The following TTR variants were observed in gnomAD, a reference collection of about 807,000 sequenced individuals.
TTR encodes the protein transthyretin.
A neutral mutation model predicts 13.7 loss-of-function variants in TTR; 8 were observed. The observed-to-expected ratio is 0.58, with a 90% CI of 0.34 to 1.05. TTR has a LOEUF of 1.05. Among genes scored for constraint, TTR ranks in the 50% least tolerant of loss-of-function variants. The probability of loss-of-function intolerance (pLI) is 0.02; values close to 1 mark genes in which losing one functional copy is unlikely to be tolerated. For synonymous variants in TTR, 75 were observed against 71.7 expected, an observed-to-expected ratio of 1.05 and a Z score of -0.23; for missense variants, 135 against 185.5, an observed-to-expected ratio of 0.73 and a Z score of 1.58.
rs1435068860 is a variant in TTR at position 31,598,813 on chromosome 18, T to C, written c.*138T>C. The C allele has an allele frequency of 2.3e-6, 2 of 879,180 alleles. No homozygotes were observed. The highest frequency in any genetic ancestry group is 2.0e-5 in the Admixed American group (1 of 49,936). 54.5% of individuals were successfully genotyped at this position (879,180 alleles called of 1,614,324 possible). A position where few individuals can be genotyped will look rare whatever the true frequency, so the allele number is the denominator to read the frequency against. The stretch of plus-strand genomic sequence containing the variant: ...AGGCAGAGACAATAAAACATTCCTG[T>C]GAAAGGCACTTTTCATTCCACTTTA... On this transcript the variant is annotated 3_prime_UTR_variant, in exon 4 of 4. Transcript: ENST00000237014.
At chr18:31,595,503 C>A in intron 3 of TTR, 1 of 620,884 alleles carries the variant, frequency 1.6e-6, no homozygotes, top group South Asian at 1.5e-5. Flanking sequence ...ATAGTCTATT[C>A]ATTCCACTTT....
chr18:31,594,904 GA>G (rs1371288981), intron 2 of TTR, among the ~76,000 whole-genome samples: 10 of 152,006 alleles, frequency 6.6e-5, no homozygotes, highest in African/African-American at 1.4e-4. Context: ...TCTTATCAGA[GA>G]AAAAAATCTA....
At position 31,598,679 on chromosome 18, in the gene TTR, A is replaced by T. The variant is rs2073529442; in HGVS notation, c.*4A>T. ...CGTCACCAATCCCAAGGAATGAGGG[A>T]CTTCTCCTCCAGTGGACCTGAAGGA... is the stretch of plus-strand genomic sequence containing the variant. On this transcript the variant is annotated 3_prime_UTR_variant, in exon 4 of 4. Transcript: ENST00000237014. 2 of 1,611,732 alleles carry T rather than the reference A, an allele frequency of 1.2e-6. No individual in the cohort carries two copies. The highest frequency in any genetic ancestry group is 2.7e-5 in the African/African-American group (2 of 74,898).
chr18:31,595,766 G>A (rs2144410385), intron 3 of TTR: 1 of 297,662 alleles, frequency 3.4e-6, no homozygotes, highest in Non-Finnish European at 6.5e-6. Context: ...TACACCATGT[G>A]GCAGACACAA....
rs11541786 is a variant in TTR, at chr18:31,598,697, C to T, written c.*22C>T. 3 of 1,611,388 alleles carry T rather than the reference C, an allele frequency of 1.9e-6. No individual in the cohort carries two copies. The highest frequency in any genetic ancestry group is 2.5e-6 in the Non-Finnish European group (3 of 1,177,484). ...ATGAGGGACTTCTCCTCCAGTGGAC[C>T]TGAAGGACGAGGGATGGGATTTCAT... On this transcript the variant is annotated 3_prime_UTR_variant, in exon 4 of 4. Transcript: ENST00000237014.
chr18:31,592,413 G>C (rs1274644505), intron 1 of TTR, among the ~76,000 whole-genome samples: 1 of 152,202 alleles, frequency 6.6e-6, no homozygotes, highest in East Asian at 1.9e-4. Flanking sequence ...ATTCTAGTCA[G>C]ATATCTAATT....
intron 3 of TTR, 124 bp downstream of exon 3, chr18:31,595,379 G>C (rs752112049): frequency 1.5e-6 from 2 of 1,365,420 alleles, no homozygotes; most frequent in South Asian, 1.2e-5. Flanking sequence ...ATGACCAAAG[G>C]TTCCCTTTCC....
chr18:31,592,159 G>A (rs2073489533), intron 1 of TTR, among the ~76,000 whole-genome samples, 188 bp downstream of exon 1: 1 of 152,182 alleles, frequency 6.6e-6, no homozygotes. Context: ...GCTGGGACTT[G>A]AACTCTGAGC....
At chr18:31,595,624 C>A in intron 3 of TTR, 1 of 368,646 alleles carries the variant, frequency 2.7e-6, no homozygotes, top group Non-Finnish European at 5.3e-6. Context: ...CTCGAAAACC[C>A]GTAACATTCT....
chr18:31,595,651 C>G (rs577478388), intron 3 of TTR: 6 of 363,630 alleles, frequency 1.7e-5, no homozygotes, highest in African/African-American at 1.3e-4. Flanking sequence ...CAAAACACAT[C>G]TGGCTTCTCG....
intron 3 of TTR, 159 bp downstream of exon 3, chr18:31,595,414 C>T: frequency 9.8e-7 from 1 of 1,022,654 alleles, no homozygotes; most frequent in South Asian, 1.4e-5. Flanking sequence ...AAATTCACAA[C>T]ACTCTGAGAA....
chr18:31,598,093 T>C (rs75717327), intron 3 of TTR: 1 of 281,130 alleles, frequency 3.6e-6, no homozygotes, highest in African/African-American at 2.2e-5. Context: ...GAATGTAGAC[T>C]GGGACAATAC....
intron 2 of TTR, 53 bp from the exon 3 acceptor site, chr18:31,595,067 A>G: frequency 6.2e-6 from 10 of 1,608,168 alleles, no homozygotes; most frequent in Non-Finnish European, 8.5e-6. Context: ...TTACTTTGCC[A>G]TGCCATTTGT....
intron 3 of TTR, among the ~76,000 whole-genome samples, chr18:31,596,958 C>T (rs2073519972): frequency 6.6e-6 from 1 of 152,154 alleles, no homozygotes; most frequent in South Asian, 2.1e-4. Context: ...TCTACCTTGG[C>T]CAGTGACCCA....
In TTR at chr18:31,591,986, G is replaced by T; in HGVS notation, c.69+15G>T. On this transcript the variant is annotated intron_variant, in intron 1 of 3. Transcript: ENST00000237014. ...CTGGCCCTACGGTGAGTGTTTCTGT[G>T]ACATCCCATTCCTACATTTAAGATT... 2.5e-6 allele frequency: 4 copies of T among 1,613,772 alleles called. No homozygotes were observed. The highest frequency in any genetic ancestry group is 3.4e-6 in the Non-Finnish European group (4 of 1,179,710).
chr18:31,596,004 C>T (rs139364337), intron 3 of TTR: 1 of 156,674 alleles, frequency 6.4e-6, no homozygotes, highest in Non-Finnish European at 1.4e-5. Context: ...CCCCAGGAAA[C>T]TTTTTCCCTT....
chr18:31,595,625 G>GT (rs1194955902), intron 3 of TTR: 6 of 368,398 alleles, frequency 1.6e-5, no homozygotes, highest in Non-Finnish European at 3.2e-5. Context: ...TCGAAAACCC[G>GT]TAACATTCTT....
intron 1 of TTR, among the ~76,000 whole-genome samples, chr18:31,592,420 A>G (rs932921987): frequency 1.4e-4 from 22 of 152,254 alleles, no homozygotes; most frequent in Non-Finnish European, 2.5e-4. Flanking sequence ...TCAGATATCT[A>G]ATTCTTAAAT....
chr18:31,592,571 A>T (rs1315098846), intron 1 of TTR, among the ~76,000 whole-genome samples: 1 of 152,228 alleles, frequency 6.6e-6, no homozygotes, highest in Non-Finnish European at 1.5e-5. Context: ...TGTATGGTAC[A>T]TTACATCTTT....
Sources: gnomAD v4.1 joint callset for allele counts (sites outside exome capture counted in the v4.1 genomes callset) on GRCh38, gnomAD v4.1.1 for gene constraint, MANE v1.5 for transcripts, NCBI Gene and HGNC (gene_info 2026-07-23, HGNC 2026-07-21) for gene names.